Variants in TMEM117 observed in about 807,000 individuals in gnomAD.
The protein encoded by TMEM117 is transmembrane protein 117.
Under a neutral mutation model 52.4 loss-of-function variants are expected in TMEM117, and 27 were observed. The ratio of observed to expected loss-of-function variants is 0.51; its 90% CI spans 0.38 to 0.71. The LOEUF is 0.71. Among genes scored for constraint, TMEM117 ranks in the 30% least tolerant of loss-of-function variants. The pLI, the probability that TMEM117 is intolerant of heterozygous loss-of-function variation, is 0.00. For synonymous variants in TMEM117, 215 were observed against 206.3 expected, an observed-to-expected ratio of 1.04 and a Z score of -0.36; for missense variants, 556 against 630.5, an observed-to-expected ratio of 0.88 and a Z score of 1.26.
chr12:43,825,961 T>C, the TMEM117 span, among the ~76,000 whole-genome samples: 1 of 152,218 alleles, frequency 6.6e-6, no homozygotes, highest in Non-Finnish European at 1.5e-5. Flanking sequence ...AATAGAAATC[T>C]CCACCATCTC....
At chr12:43,844,399 T>G (rs955156920) in intron 1 of TMEM117, among the ~76,000 whole-genome samples, 7 of 152,230 alleles carry the variant, frequency 4.6e-5, no homozygotes, top group African/African-American at 7.2e-5. Context: ...TCTTTCATTG[T>G]TTTTCTTTCC....
chr12:44,015,363 A>T (rs1946358116), intron 3 of TMEM117, among the ~76,000 whole-genome samples: 1 of 152,178 alleles, frequency 6.6e-6, no homozygotes, highest in Admixed American at 6.5e-5. Context: ...GTGATTTTTG[A>T]ATATATATAT....
chr12:43,872,688 T>C (rs1161529073), intron 2 of TMEM117, among the ~76,000 whole-genome samples: 1 of 152,234 alleles, frequency 6.6e-6, no homozygotes, highest in African/African-American at 2.4e-5. Context: ...TCTTTCCATC[T>C]TCCAGTTATG....
chr12:44,048,743 G>A (rs1592472437), intron 3 of TMEM117, among the ~76,000 whole-genome samples: 1 of 152,138 alleles, frequency 6.6e-6, no homozygotes, highest in African/African-American at 2.4e-5. Flanking sequence ...AAGACAGCGT[G>A]GGTGTATTTG....
rs570961699 is a variant in TMEM117, at chr12:44,096,388, A to G, written c.411-47137A>G. 9.3e-4 allele frequency among the ~76,000 whole-genome samples: 141 copies of G among 152,150 alleles called. 1 individual carries two copies. The highest frequency in any genetic ancestry group is 1.6e-3 in the Non-Finnish European group (107 of 67,994). On this transcript the variant is annotated intron_variant, in intron 3 of 7. Coordinates refer to ENST00000266534, the MANE Select transcript of TMEM117 (RefSeq NM_032256.3). ...CTTTAAAGTTCATATGGAACCAAAA[A>G]AGAGCCCACATCGCCAAGTCAATCC...
intron 6 of TMEM117, among the ~76,000 whole-genome samples, chr12:44,369,079 T>C (rs1951828023): frequency 6.6e-6 from 1 of 152,194 alleles, no homozygotes; most frequent in African/African-American, 2.4e-5. Flanking sequence ...TGTTAAGCAC[T>C]CTTTCCTGTG....
chr12:43,944,920 A>G (rs1046519572), intron 3 of TMEM117, among the ~76,000 whole-genome samples: 1 of 152,042 alleles, frequency 6.6e-6, no homozygotes, highest in South Asian at 2.1e-4. Context: ...AGACCATCCT[A>G]GCCAACATGG....
chr12:44,202,668 A>T (rs115892714), intron 4 of TMEM117, among the ~76,000 whole-genome samples: 1,750 of 152,294 alleles, frequency 0.011, 22 homozygotes, highest in South Asian at 0.052. Context: ...AGAATGAGTT[A>T]CGGAGATATT....
chr12:44,292,550 G>A (rs757236333), intron 5 of TMEM117, among the ~76,000 whole-genome samples: 1 of 151,734 alleles, frequency 6.6e-6, no homozygotes, highest in Non-Finnish European at 1.5e-5. Flanking sequence ...ATAAAATTTA[G>A]CGTTTTATTT....
intron 6 of TMEM117, among the ~76,000 whole-genome samples, chr12:44,341,912 G>A (rs533914575): frequency 6.6e-6 from 1 of 152,124 alleles, no homozygotes; most frequent in Admixed American, 6.6e-5. Flanking sequence ...AGAGGCTGAC[G>A]TGGCAAGTGA....
intron 3 of TMEM117, among the ~76,000 whole-genome samples, chr12:44,078,997 A>G (rs1947432721): frequency 6.6e-6 from 1 of 152,006 alleles, no homozygotes; most frequent in Non-Finnish European, 1.5e-5. Flanking sequence ...TTTGTTGAGA[A>G]TGATGGTTTC....
At chr12:43,949,261 A>C (rs566796715) in intron 3 of TMEM117, among the ~76,000 whole-genome samples, 1 of 152,232 alleles carries the variant, frequency 6.6e-6, no homozygotes, top group Admixed American at 6.5e-5. Context: ...AAGAGGGCCA[A>C]GCGGACAACT....
At chr12:44,274,454 T>A (rs1950487096) in intron 5 of TMEM117, among the ~76,000 whole-genome samples, 1 of 151,984 alleles carries the variant, frequency 6.6e-6, no homozygotes. Context: ...GGAAAAGCAA[T>A]TCTAAAAATA....
intron 3 of TMEM117, chr12:44,008,989 A>G: frequency 1.6e-5 from 6 of 366,240 alleles, no homozygotes; most frequent in South Asian, 1.5e-4. Context: ...TCTTCTGTTT[A>G]GTGTGAATTC....
chr12:44,381,087 C>A (rs561990161), intron 7 of TMEM117, among the ~76,000 whole-genome samples: 12 of 152,166 alleles, frequency 7.9e-5, no homozygotes, highest in African/African-American at 2.6e-4. Flanking sequence ...ATCTGGATCC[C>A]CCTTGACAGA....
chr12:44,007,596 T>C (rs1445170063), intron 3 of TMEM117, among the ~76,000 whole-genome samples: 3 of 152,274 alleles, frequency 2.0e-5, no homozygotes, highest in South Asian at 4.1e-4. Flanking sequence ...CTGAGGATAG[T>C]ACTAAGCCCT....
Position 44,293,594 on chromosome 12 carries a change from T to C in TMEM117, c.609-5986T>C, listed in dbSNP as rs138981128. ...CTTTTGTGTGTCTACTAGAGGTTTTTTCTTTGTGGTTACAATGAGGCTTGC... is the reference window on the plus strand; with the variant it reads ...CTTTTGTGTGTCTACTAGAGGTTTTCTCTTTGTGGTTACAATGAGGCTTGC... On this transcript the variant is annotated intron_variant, in intron 5 of 7. Transcript: ENST00000266534. Among the ~76,000 whole-genome samples, 825 of 152,212 alleles carry C rather than the reference T, an allele frequency of 5.4e-3. 13 individuals are homozygous for C. Among genetic ancestry groups the C allele is most frequent in the African/African-American group, 0.018 (755 of 41,554 alleles).
chr12:44,373,874 C>T (rs550339047), intron 6 of TMEM117, among the ~76,000 whole-genome samples: 2 of 144,762 alleles, frequency 1.4e-5, no homozygotes, highest in East Asian at 2.3e-4. Context: ...CTCCGTCTCC[C>T]GGGTTCAAGC....
At chr12:44,182,727 A>T (rs115360940) in intron 4 of TMEM117, among the ~76,000 whole-genome samples, 1 of 152,140 alleles carries the variant, frequency 6.6e-6, no homozygotes, top group Non-Finnish European at 1.5e-5. Flanking sequence ...CCCCTGCCAT[A>T]TCTAGAGTTA....
Sources: allele counts gnomAD v4.1 joint callset (sites outside exome capture counted in the v4.1 genomes callset), GRCh38; gene constraint gnomAD v4.1.1; transcripts MANE v1.5; gene names NCBI Gene and HGNC (gene_info 2026-07-23, HGNC 2026-07-21).